Variants in TRIOBP observed in about 807,000 individuals in gnomAD.
The protein encoded by TRIOBP is TRIO and F-actin binding protein.
Under a neutral mutation model 238.8 loss-of-function variants are expected in TRIOBP, and 169 were observed. The ratio of observed to expected loss-of-function variants is 0.71; its 90% CI spans 0.62 to 0.80. TRIOBP has a LOEUF of 0.80. Ranked by LOEUF, TRIOBP falls within the 30% of genes least tolerant of loss-of-function variation. The pLI is 0.00. For missense variants in TRIOBP, 2,838 were observed against 3,122.6 expected, an observed-to-expected ratio of 0.91 and a Z score of 2.17; for synonymous variants, 1,150 against 1,274.4, an observed-to-expected ratio of 0.90 and a Z score of 2.08.
chr22:37,698,043 CA>C (rs1415385675), intron 2 of TRIOBP, among the ~76,000 whole-genome samples: 1 of 151,256 alleles, frequency 6.6e-6, no homozygotes, highest in African/African-American at 2.4e-5. Context: ...ACCAAAAATA[CA>C]AAAAAATTAT....
At chr22:37,737,407 A>G (rs1006475667) in intron 9 of TRIOBP, among the ~76,000 whole-genome samples, 2 of 152,000 alleles carry the variant, frequency 1.3e-5, no homozygotes, top group Non-Finnish European at 2.9e-5. Context: ...CACATCTGTA[A>G]TCCCAGCACT....
intron 18 of TRIOBP, 124 bp from the exon 19 acceptor site, chr22:37,767,950 T>C: frequency 1.3e-6 from 1 of 784,890 alleles, no homozygotes; most frequent in East Asian, 2.7e-5. Flanking sequence ...TCCATAGTAC[T>C]TGCATAGTAC....
intron 3 of TRIOBP, among the ~76,000 whole-genome samples, chr22:37,709,306 C>G (rs752592369): frequency 6.6e-6 from 1 of 152,230 alleles, no homozygotes; most frequent in Non-Finnish European, 1.5e-5. Context: ...GGCCCAGGCT[C>G]TTGCCCCTCC....
intron 11 of TRIOBP, chr22:37,750,693 T>C (rs1925540585): frequency 2.1e-6 from 1 of 470,996 alleles, no homozygotes. Context: ...CGACTGTGGC[T>C]GTGGAAGGTT....
In TRIOBP at chr22:37,759,262, C is replaced by T; in HGVS notation, c.6322C>T (p.Gln2108Ter). 1 of 1,612,526 alleles carries T rather than the reference C, an allele frequency of 6.2e-7. No homozygotes were observed. Among genetic ancestry groups the T allele is most frequent in the Non-Finnish European group, 8.5e-7 (1 of 1,179,370 alleles). ...DGHIPPGYIS[Q>*]EACERSLAEM... ...CCACATCCCCCCGGGCTACATCTCA[C>T]AGGTAAGGCCGGGGGGCTGTTTTTC... The change falls in exon 17 of 24, where the codon CAG becomes TAG. Residue 2108 changes from glutamine (Q) to a stop codon, truncating the protein, a stop_gained and splice_region_variant. Transcript: ENST00000644935. LOFTEE classifies it high-confidence loss of function.
In TRIOBP at chr22:37,723,358, C is replaced by T. The variant is rs1167797858; in HGVS notation, c.802C>T (p.Gln268Ter). ...TTCTCCTGCCCAAAGGGACACTGCT[C>T]AGGCTGCCTCTACACGTGAAATCCC... The part of the protein sequence containing the change: ...QASPAQRDTA[Q>*]AASTREIPRA... Residue 268 changes from glutamine to a stop codon, truncating the protein, a stop_gained, in exon 7 of 24, where the codon CAG becomes TAG. Coordinates refer to ENST00000644935, the MANE Select transcript of TRIOBP (RefSeq NM_001039141.3). LOFTEE classifies it high-confidence loss of function. 2 of 1,614,084 alleles carry T rather than the reference C, an allele frequency of 1.2e-6. No homozygotes were observed. Among genetic ancestry groups the T allele is most frequent in the East Asian group, 2.2e-5 (1 of 44,888 alleles).
At position 37,707,645 on chromosome 22, in the gene TRIOBP, TA is replaced by T. The variant is rs869170758; in HGVS notation, c.115-2770del. ...CATGGAGTCAAAAAATCTGTATGTT[TA>T]AAAAAAAAAAATTGGCTGGGAGTGG... On this transcript the variant is annotated intron_variant, in intron 3 of 23. Coordinates refer to ENST00000644935, the MANE Select transcript of TRIOBP (RefSeq NM_001039141.3). Among the ~76,000 whole-genome samples the T allele has an allele frequency of 4.9e-4, 71 of 146,208 alleles. 1 individual carries two copies. Among genetic ancestry groups the T allele is most frequent in the Middle Eastern group, 3.5e-3 (1 of 282 alleles).
intron 6 of TRIOBP, 65 bp downstream of exon 6, chr22:37,715,999 C>G: frequency 2.5e-6 from 4 of 1,583,772 alleles, no homozygotes; most frequent in Non-Finnish European, 3.4e-6. Context: ...AGCCATCTCA[C>G]TGGCCATTTG....
rs1924037148 is a variant in TRIOBP, at chr22:37,724,783, A to G, written c.2227A>G (p.Asn743Asp). The change falls in exon 7 of 24, where the codon AAC becomes GAC. Residue 743 changes from asparagine (N) to aspartate (D), a missense_variant. By Grantham distance (23) the Asn-to-Asp change is conservative (BLOSUM62 1). Coordinates refer to ENST00000644935, the MANE Select transcript of TRIOBP (RefSeq NM_001039141.3). ...TCGCAACAGAACCATCCAGCGAGAC[A>G]ACCCCAGAACATCCTGTGCCCAGCG... ...SSRNRTIQRD[N>D]PRTSCAQRDN... 1 of 1,612,040 alleles carries G rather than the reference A, an allele frequency of 6.2e-7. No individual in the cohort carries two copies. Among genetic ancestry groups the G allele is most frequent in the Non-Finnish European group, 8.5e-7 (1 of 1,179,116 alleles).
At chr22:37,711,252 C>A (rs1009676738) in intron 4 of TRIOBP, among the ~76,000 whole-genome samples, 1 of 152,112 alleles carries the variant, frequency 6.6e-6, no homozygotes, top group Non-Finnish European at 1.5e-5. Context: ...TTCATGTGCT[C>A]CTCACAGGTA....
intron 3 of TRIOBP, among the ~76,000 whole-genome samples, chr22:37,704,480 G>T (rs1016754595): frequency 1.4e-5 from 2 of 141,022 alleles, no homozygotes; most frequent in African/African-American, 5.4e-5. Context: ...GGAGGGGAAG[G>T]GGGAGGGGGA....
intron 17 of TRIOBP, chr22:37,759,912 T>A: frequency 3.4e-6 from 1 of 298,326 alleles, no homozygotes; most frequent in Non-Finnish European, 5.5e-6. Context: ...AAACAATGCT[T>A]AGTACACAAT....
rs1345200421 is a variant in TRIOBP at position 37,734,936 on chromosome 22, C to G, written c.4600C>G (p.Pro1534Ala). Reference sequence around the variant, plus strand: ...CTCACAATCCTGGCACTCTGGGACACCCACTGCTGTGGGCTGGGGGGCAGA... The same window carrying G: ...CTCACAATCCTGGCACTCTGGGACAGCCACTGCTGTGGGCTGGGGGGCAGA... ...ESSQSWHSGTPTAVGWGAEGA... is the reference protein window; with the variant it reads ...ESSQSWHSGTATAVGWGAEGA... The change falls in exon 9 of 24, where the codon CCC becomes GCC. Residue 1534 changes from proline to alanine, a missense_variant. By Grantham distance (27) the Pro-to-Ala change is conservative. Transcript: ENST00000644935. 1.9e-6 allele frequency: 3 copies of G among 1,613,296 alleles called. No individual in the cohort carries two copies. The highest frequency in any genetic ancestry group is 2.5e-6 in the Non-Finnish European group (3 of 1,180,018).
At position 37,725,635 on chromosome 22, in the gene TRIOBP, T is replaced by C. The variant is rs1428567451; in HGVS notation, c.3079T>C (p.Ser1027Pro). The C allele has an allele frequency of 4.3e-6, 7 of 1,613,154 alleles. No individual in the cohort carries two copies. The highest frequency in any genetic ancestry group is 1.3e-5 in the African/African-American group (1 of 74,606). The change falls in exon 7 of 24, where the codon TCT becomes CCT. Residue 1027 changes from serine (S) to proline (P), a missense_variant. Physicochemically the swap from Ser to Pro is moderately conservative, Grantham distance 74 (BLOSUM62 -1). Transcript: ENST00000644935. ...CIGHRDAPRA[S>P]SPPRYLQHDP... The stretch of plus-strand genomic sequence containing the variant: ...TGGGCACCGGGATGCCCCTCGAGCC[T>C]CTTCGCCCCCTCGCTATTTGCAGCA...
chr22:37,725,153 C>T lies in TRIOBP; in HGVS notation c.2597C>T (p.Thr866Ile). The change falls in exon 7 of 24, where the codon ACC (threonine) becomes ATC (isoleucine). Residue 866 changes from threonine (T) to isoleucine (I), a missense_variant. Transcript: ENST00000644935. ...TCCTTTCAACGAGACAACCCTGGAA[C>T]CTCCTCATCTCAATGCTGCACCCAA... ...SFSFQRDNPG[T>I]SSSQCCTQKE... The T allele has an allele frequency of 6.2e-7, 1 of 1,614,140 alleles. No individual in the cohort carries two copies. The highest frequency in any genetic ancestry group is 8.5e-7 in the Non-Finnish European group (1 of 1,180,004).
intron 3 of TRIOBP, among the ~76,000 whole-genome samples, chr22:37,707,969 G>A (rs1205462877): frequency 4.0e-4 from 60 of 149,308 alleles, no homozygotes; most frequent in African/African-American, 1.2e-3. Context: ...AAAAAAGGCC[G>A]GGCGTGGTGG....
chr22:37,718,105 G>GGGCCGGCAGGGCC (rs1418218539), intron 6 of TRIOBP, among the ~76,000 whole-genome samples: 2 of 152,154 alleles, frequency 1.3e-5, no homozygotes, highest in Non-Finnish European at 2.9e-5. Context: ...TCATTGCCCG[G>GGGCCGGCAGGGCC]GGCCGGCAGG....
At chr22:37,720,723 G>A (rs777462369) in intron 6 of TRIOBP, among the ~76,000 whole-genome samples, 1 of 152,106 alleles carries the variant, frequency 6.6e-6, no homozygotes. Context: ...ATGTTGCCCA[G>A]GCTGGTCTCC....
Position 37,734,683 on chromosome 22 carries a change from C to G in TRIOBP, c.4347C>G (p.Ser1449Arg). 1 of 1,604,196 alleles carries G rather than the reference C, an allele frequency of 6.2e-7. No individual in the cohort carries two copies. The highest frequency in any genetic ancestry group is 8.5e-7 in the Non-Finnish European group (1 of 1,175,898). Residue 1449 changes from serine (S) to arginine (R), a missense_variant, in exon 9 of 24, where the codon AGC becomes AGG. Physicochemically the swap from Ser to Arg is moderately radical, Grantham distance 110 (BLOSUM62 -1). This residue lies in a region of TRIOBP where 2,096 missense variants were observed against 2,137.4 expected (regional missense o/e 0.98). Coordinates refer to ENST00000644935, the MANE Select transcript of TRIOBP (RefSeq NM_001039141.3). The part of the protein sequence containing the change: ...PHRHLERSWS[S>R]QEGGLGPGGW... Reference sequence around the variant, plus strand: ...GACACCTAGAAAGGAGCTGGAGCAGCCAGGAGGGAGGCCTGGGCCCTGGGG... The same window carrying G: ...GACACCTAGAAAGGAGCTGGAGCAGGCAGGAGGGAGGCCTGGGCCCTGGGG...
Sources: allele counts gnomAD v4.1 joint callset (sites outside exome capture counted in the v4.1 genomes callset), GRCh38; gene constraint gnomAD v4.1.1; regional missense constraint gnomAD v4.1.1; transcripts MANE v1.5; gene names NCBI Gene and HGNC (gene_info 2026-07-23, HGNC 2026-07-21).